The following PARP11 variants were observed in gnomAD, a reference collection of about 807,000 sequenced individuals.
PARP11 encodes poly(ADP-ribose) polymerase family member 11, also known as protein mono-ADP-ribosyltransferase PARP11.
A neutral mutation model predicts 42.9 loss-of-function variants in PARP11; 31 were observed. That is an observed-to-expected ratio of 0.72 (90% CI 0.54 to 0.98). The LOEUF (loss-of-function observed/expected upper bound fraction) is 0.98. PARP11 is among the 50% of genes least tolerant of loss of function. The pLI is 0.00. For synonymous variants in PARP11, 137 were observed against 127.3 expected (o/e 1.08, Z -0.51); for missense variants, 365 against 413.1 (o/e 0.88, Z 1.01).
chr12:3,857,116 A>G (rs559623611), intron 1 of PARP11, among the ~76,000 whole-genome samples: 43 of 125,082 alleles, frequency 3.4e-4, no homozygotes, highest in Non-Finnish European at 2.8e-4. Context: ...ATCACACACC[A>G]GGGCCTGTCG....
At position 3,832,045 on chromosome 12, in the gene PARP11, T is replaced by C. The variant is rs3809255; in HGVS notation, c.19-2027A>G. 3,292 of 487,960 alleles carry C rather than the reference T, an allele frequency of 6.7e-3. 149 individuals carry two copies. In the East Asian group the frequency reaches 0.14, roughly 21 times the overall value. 30.2% of individuals were successfully genotyped at this position (487,960 alleles called of 1,614,324 possible). On this transcript the variant is annotated intron_variant, in intron 1 of 7. Coordinates refer to ENST00000228820, the MANE Select transcript of PARP11 (RefSeq NM_020367.6). ...ATCTTTTCTCTATTAGAAAAGAGAA[T>C]AGAAAATAGGAAAGTTCCCTTTATA...
chr12:3,813,442 A>G (rs1398875010), intron 7 of PARP11, among the ~76,000 whole-genome samples: 1 of 152,260 alleles, frequency 6.6e-6, no homozygotes, highest in Non-Finnish European at 1.5e-5. Flanking sequence ...AATGGTAGAC[A>G]CAAGAGATAG....
intron 1 of PARP11, among the ~76,000 whole-genome samples, chr12:3,863,071 C>T (rs1948326484): frequency 6.6e-6 from 1 of 152,156 alleles, no homozygotes; most frequent in Admixed American, 6.5e-5. Flanking sequence ...TTTCAATGTA[C>T]AGATCTTGCA....
At chr12:3,838,564 T>C (rs1022115058) in intron 1 of PARP11, among the ~76,000 whole-genome samples, 3 of 151,334 alleles carry the variant, frequency 2.0e-5, no homozygotes, top group African/African-American at 7.3e-5. Context: ...AAAGCAAAAA[T>C]AAACCAAATC....
At chr12:3,864,557 T>G (rs971172132) in intron 1 of PARP11, among the ~76,000 whole-genome samples, 3 of 152,226 alleles carry the variant, frequency 2.0e-5, no homozygotes, top group African/African-American at 7.2e-5. Context: ...TCTTTTAGAA[T>G]GATTTTTTTC....
In PARP11 at chr12:3,867,842, C is replaced by T. The variant is rs150209207; in HGVS notation, c.18+5370G>A. On this transcript the variant is annotated intron_variant, in intron 1 of 7. Coordinates refer to ENST00000228820, the MANE Select transcript of PARP11 (RefSeq NM_020367.6). Reference sequence around the variant, plus strand: ...ACATTCAGGCTGGTTGAAACATTCACCCTAATATTACAGGCTTCTCAATAA... The same window carrying T: ...ACATTCAGGCTGGTTGAAACATTCATCCTAATATTACAGGCTTCTCAATAA... Among the ~76,000 whole-genome samples the T allele has an allele frequency of 5.5e-3, 839 of 152,296 alleles. 4 individuals carry two copies. Among genetic ancestry groups the T allele is most frequent in the African/African-American group, 0.018 (754 of 41,562 alleles).
chr12:3,819,553 T>G (rs1268184432), intron 6 of PARP11, among the ~76,000 whole-genome samples: 1 of 152,020 alleles, frequency 6.6e-6, no homozygotes, highest in Non-Finnish European at 1.5e-5. Flanking sequence ...GCAGGTAAAA[T>G]CACTCCCAGT....
chr12:3,817,122 C>T lies in PARP11; in HGVS notation c.549-2934G>A, dbSNP rs182951026. Among the ~76,000 whole-genome samples the T allele has an allele frequency of 1.1e-3, 160 of 151,824 alleles. 1 individual carries two copies. Among genetic ancestry groups the T allele is most frequent in the African/African-American group, 3.4e-3 (140 of 41,352 alleles). On this transcript the variant is annotated intron_variant, in intron 6 of 7. Coordinates refer to ENST00000228820, the MANE Select transcript of PARP11 (RefSeq NM_020367.6). ...AGGAGAATGGCATGAACCCCGGAGGCGGAACTTGCAGTGAGCTGAGATCGC... is the reference window on the plus strand; with the variant it reads ...AGGAGAATGGCATGAACCCCGGAGGTGGAACTTGCAGTGAGCTGAGATCGC...
At chr12:3,824,419 AT>A (rs1565534326) in intron 4 of PARP11, among the ~76,000 whole-genome samples, 1 of 152,134 alleles carries the variant, frequency 6.6e-6, no homozygotes, top group South Asian at 2.1e-4. Flanking sequence ...TGACCAAAAA[AT>A]TTTTTTAGTT....
In PARP11 at chr12:3,830,028, C is replaced by T. The variant is rs780229696; in HGVS notation, c.19-10G>A. 1.2e-6 allele frequency: 2 copies of T among 1,612,080 alleles called. No homozygotes were observed. The highest frequency in any genetic ancestry group is 8.5e-7 in the Non-Finnish European group (1 of 1,178,364). ...CTTTGTGAAACATCTCCTGAAAAGC[C>T]AGAAGGAGGTGGAGGAAGAAATAAT... On this transcript the variant is annotated splice_polypyrimidine_tract_variant and intron_variant, in intron 1 of 7. Transcript: ENST00000228820.
chr12:3,832,822 G>A (rs774335959), intron 1 of PARP11, among the ~76,000 whole-genome samples: 1 of 152,204 alleles, frequency 6.6e-6, no homozygotes, highest in African/African-American at 2.4e-5. Flanking sequence ...GCCATATCCT[G>A]TCTGATTTTC....
At chr12:3,872,629 A>C in intron 1 of PARP11, 1 of 985,390 alleles carries the variant, frequency 1.0e-6, no homozygotes, top group Non-Finnish European at 1.2e-6. Flanking sequence ...ACGACTGTCC[A>C]CCAAGAAGGG....
intron 1 of PARP11, among the ~76,000 whole-genome samples, chr12:3,869,449 A>G (rs1182668024): frequency 6.6e-6 from 1 of 152,202 alleles, no homozygotes; most frequent in East Asian, 1.9e-4. Flanking sequence ...AAATCCATGC[A>G]TGGCCTGGTT....
chr12:3,850,426 C>G (rs1948076530), intron 1 of PARP11, among the ~76,000 whole-genome samples: 1 of 152,118 alleles, frequency 6.6e-6, no homozygotes, highest in Non-Finnish European at 1.5e-5. Flanking sequence ...TGATGGGTCA[C>G]AGTCAAAATG....
Position 3,811,383 on chromosome 12 carries a change from G to A in PARP11, c.*740C>T, listed in dbSNP as rs181099684. 1 of 152,364 alleles carries A rather than the reference G, an allele frequency of 6.6e-6. No homozygotes were observed. The highest frequency in any genetic ancestry group is 2.4e-5 in the African/African-American group (1 of 41,590). The allele number at this position is 152,364 out of a possible 1,614,324, so 9.4% of individuals were successfully genotyped here. A position where few individuals can be genotyped will look rare whatever the true frequency, so the allele number is the denominator to read the frequency against. On this transcript the variant is annotated 3_prime_UTR_variant, in exon 8 of 8. Coordinates refer to ENST00000228820, the MANE Select transcript of PARP11 (RefSeq NM_020367.6). ...AACACCTTGCACAGCAAGTCGTGGT[G>A]TAAGAATCCAAGAGCCCTGATGGAT...
chr12:3,842,406 C>A, intron 1 of PARP11: 1 of 1,609,838 alleles, frequency 6.2e-7, no homozygotes, highest in Non-Finnish European at 8.5e-7. Flanking sequence ...GACAGCCAAG[C>A]AGAAGTCGGG....
chr12:3,848,945 C>G (rs75113467), intron 1 of PARP11, among the ~76,000 whole-genome samples: 267 of 148,580 alleles, frequency 1.8e-3, no homozygotes, highest in Middle Eastern at 3.4e-3. Context: ...GGAGCTCAAA[C>G]AATTCAACAG....
chr12:3,826,108 A>G (rs1236093840), intron 4 of PARP11, 50 bp downstream of exon 4: 1 of 1,062,774 alleles, frequency 9.4e-7, no homozygotes, highest in Non-Finnish European at 1.4e-6. Context: ...TCTGTCCAAT[A>G]GTAAGAAAAA....
intron 6 of PARP11, among the ~76,000 whole-genome samples, chr12:3,819,413 T>A (rs1182655727): frequency 6.6e-6 from 1 of 152,178 alleles, no homozygotes; most frequent in Non-Finnish European, 1.5e-5. Flanking sequence ...TGTGAAAGGC[T>A]TCTTCTTTGT....
Sources: gnomAD v4.1 joint callset for allele counts (sites outside exome capture counted in the v4.1 genomes callset) on GRCh38, gnomAD v4.1.1 for gene constraint, MANE v1.5 for transcripts, NCBI Gene and HGNC (gene_info 2026-07-23, HGNC 2026-07-21) for gene names.